Variants in SPATA6L observed in about 807,000 individuals in gnomAD.
The protein encoded by SPATA6L is spermatogenesis associated 6-like protein.
In SPATA6L, 68 loss-of-function variants were observed where a neutral mutation model predicts 49.2. The ratio of observed to expected loss-of-function variants is 1.38; its 90% CI spans 1.14 to 1.69. SPATA6L has a LOEUF of 1.69. Among genes scored for constraint, SPATA6L ranks in the 40% most tolerant of loss-of-function variants. SPATA6L has a pLI of 0.00. For synonymous variants in SPATA6L, 198 were observed against 165.7 expected (o/e 1.19, Z -1.50); for missense variants, 668 against 464.3 (o/e 1.44, Z -4.03).
At chr9:4,616,684 C>T (rs1393475648) in intron 9 of SPATA6L, among the ~76,000 whole-genome samples, 1 of 152,224 alleles carries the variant, frequency 6.6e-6, no homozygotes, top group African/African-American at 2.4e-5. Flanking sequence ...CTCCCGGGTT[C>T]AAGCAATTCT....
At chr9:4,641,061 G>C (rs1833925281) in intron 3 of SPATA6L, among the ~76,000 whole-genome samples, 1 of 152,012 alleles carries the variant, frequency 6.6e-6, no homozygotes, top group African/African-American at 2.4e-5. Flanking sequence ...CATATATATA[G>C]GTGTGTGTGT....
chr9:4,607,092 G>C lies in SPATA6L; in HGVS notation c.996-1652C>G, dbSNP rs1406212145. On this transcript the variant is annotated intron_variant, in intron 9 of 11. Transcript: ENST00000682582. ...AATGAAGCGAGAAGGGAAGTTTAGA[G>C]AAAAAAGAATAAAAATAAATGAGCA... 2.6e-5 allele frequency among the ~76,000 whole-genome samples: 4 copies of C among 151,706 alleles called. No homozygotes were observed. In the East Asian group the frequency reaches 7.7e-4, roughly 29 times the overall value.
At chr9:4,592,758 G>C (rs1050591629) in intron 13 of SPATA6L, among the ~76,000 whole-genome samples, 1 of 152,142 alleles carries the variant, frequency 6.6e-6, no homozygotes, top group Non-Finnish European at 1.5e-5. Flanking sequence ...TAGCTCTTAC[G>C]TTGTGTTCTT....
chr9:4,661,988 C>A lies in SPATA6L; in HGVS notation c.88G>T (p.Gly30Trp), dbSNP rs750531628. 3 of 1,613,966 alleles carry A rather than the reference C, an allele frequency of 1.9e-6. No homozygotes were observed. The highest frequency in any genetic ancestry group is 8.5e-7 in the Non-Finnish European group (1 of 1,179,962). Residue 30 changes from glycine to tryptophan, a missense_variant, in exon 2 of 12, where the codon GGG becomes TGG. By Grantham distance (184) the Gly-to-Trp change is radical. Coordinates refer to ENST00000682582, the MANE Select transcript of SPATA6L (RefSeq NM_001353486.2). The stretch of plus-strand genomic sequence containing the variant: ...AGGTACTGATTCATGAGGTAGACCC[C>A]GAGGTACACATCTTGTTTGCCAGGC... ...FLPGKQDVYL[G>W]VYLMNQYLET... is the part of the protein sequence containing the mutation.
intron 11 of SPATA6L, among the ~76,000 whole-genome samples, chr9:4,603,358 G>T (rs756285835): frequency 6.6e-5 from 10 of 152,068 alleles, no homozygotes; most frequent in South Asian, 2.1e-4. Context: ...TGAACCTGGG[G>T]GGTGGAGGTT....
chr9:4,661,748 T>TTCCGACTGCGGTTTTGCTTCAAG, intron 2 of SPATA6L, 151 bp downstream of exon 2: 5 of 283,528 alleles, frequency 1.8e-5, no homozygotes, highest in Non-Finnish European at 2.8e-5. Flanking sequence ...AAAGCAAGTG[T>TTCCGACTGCGGTTTTGCTTCAAG]TCCGACTGCG....
downstream of SPATA6L, among the ~76,000 whole-genome samples, chr9:4,598,249 G>A (rs1428782479): frequency 6.6e-6 from 1 of 152,096 alleles, no homozygotes; most frequent in Non-Finnish European, 1.5e-5. Context: ...TATGCTCCAG[G>A]CTTTGACAGA....
Position 4,662,837 on chromosome 9 carries a change from G to A in SPATA6L, c.40-801C>T, listed in dbSNP as rs905670046. ...GGCTGCTGGGCACCCTCTACTGCCT[G>A]TGCAGGAGCGACAGCTGGGCCGGGC... On this transcript the variant is annotated intron_variant, in intron 1 of 11. Coordinates refer to ENST00000682582, the MANE Select transcript of SPATA6L (RefSeq NM_001353486.2). The surrounding 1 kb of genome is among the most constrained non-coding windows in gnomAD (Gnocchi z 4.9). The A allele has an allele frequency of 6.2e-6, 10 of 1,605,250 alleles. No individual in the cohort carries two copies. The highest frequency in any genetic ancestry group is 8.5e-6 in the Non-Finnish European group (10 of 1,179,954).
downstream of SPATA6L, among the ~76,000 whole-genome samples, chr9:4,597,957 G>T (rs565188349): frequency 1.6e-4 from 25 of 152,236 alleles, no homozygotes; most frequent in African/African-American, 6.0e-4. Context: ...CTGGCATTTG[G>T]GTGCTAGGGC....
At chr9:4,624,929 T>C (rs1247448899) in intron 6 of SPATA6L, among the ~76,000 whole-genome samples, 1 of 152,208 alleles carries the variant, frequency 6.6e-6, no homozygotes, top group Non-Finnish European at 1.5e-5. Context: ...ATAAAACTCA[T>C]GTAGTTTTCT....
rs1487446328 is a variant in SPATA6L, at chr9:4,604,240, G to C, written c.1119C>G (p.Ile373Met). The change falls in exon 11 of 12, where the codon ATC becomes ATG. Residue 373 changes from isoleucine (I) to methionine (M), a missense_variant. Transcript: ENST00000682582. The part of the protein sequence containing the change: ...KEDSTSEVNY[I>M]IERPSYPLKK... ...TCAGAGGGTAGCTTGGTCTTTCAAT[G>C]ATATAATTTACTTCAGAGGTAGAAT... 3 of 1,610,914 alleles carry C rather than the reference G, an allele frequency of 1.9e-6. No homozygotes were observed. The highest frequency in any genetic ancestry group is 2.5e-6 in the Non-Finnish European group (3 of 1,177,894).
chr9:4,656,442 AAGGAAGGAAGGAAGGAAGG>A (rs1464078661), intron 2 of SPATA6L, among the ~76,000 whole-genome samples: 8 of 45,080 alleles, frequency 1.8e-4, no homozygotes, highest in African/African-American at 6.9e-4. Flanking sequence ...CTGTGAAAGA[AAGGAAGGAAGGAAGGAAGG>A]AAGGAAGGAA....
At chr9:4,659,479 G>A (rs1839100530) in intron 2 of SPATA6L, among the ~76,000 whole-genome samples, 1 of 151,386 alleles carries the variant, frequency 6.6e-6, no homozygotes, top group Non-Finnish European at 1.5e-5. Flanking sequence ...GGGATGTGAA[G>A]GACCTCTTCA....
chr9:4,618,788 T>C, intron 8 of SPATA6L, 76 bp downstream of exon 8: 8 of 1,369,550 alleles, frequency 5.8e-6, no homozygotes, highest in South Asian at 1.2e-5. Context: ...TATCCACCAC[T>C]GATTGGAAAA....
chr9:4,636,449 G>A (rs745541014), intron 3 of SPATA6L, among the ~76,000 whole-genome samples: 1 of 152,162 alleles, frequency 6.6e-6, no homozygotes, highest in Non-Finnish European at 1.5e-5. Flanking sequence ...TGGGTCTAAT[G>A]GGATGAACAA....
chr9:4,625,141 C>T, intron 6 of SPATA6L, 186 bp downstream of exon 6: 2 of 1,126,202 alleles, frequency 1.8e-6, no homozygotes, highest in Non-Finnish European at 2.4e-6. Flanking sequence ...GTATAAGGTA[C>T]CTTTCTAGGG....
downstream of SPATA6L, among the ~76,000 whole-genome samples, chr9:4,594,922 CA>C (rs1831727636): frequency 6.6e-6 from 1 of 152,160 alleles, no homozygotes; most frequent in Non-Finnish European, 1.5e-5. Flanking sequence ...TTCTTCTCAA[CA>C]CCCACCTTGA....
Position 4,618,071 on chromosome 9 carries a change from C to A in SPATA6L, c.847G>T (p.Asp283Tyr). Reference protein sequence around the residue: ...EPDERIVLRSDSSSCLDSSQF... With the variant: ...EPDERIVLRSYSSSCLDSSQF... ...CTTGAATCTAAACATGATGATGAGT[C>A]ACTCCTTAAAACAATCCGTTCATCT... The change falls in exon 9 of 12, where the codon GAC (aspartate) becomes TAC (tyrosine). Residue 283 changes from aspartate (D) to tyrosine (Y), a missense_variant. Coordinates refer to ENST00000682582, the MANE Select transcript of SPATA6L (RefSeq NM_001353486.2). 1 of 1,613,736 alleles carries A rather than the reference C, an allele frequency of 6.2e-7. No homozygotes were observed. Among genetic ancestry groups the A allele is most frequent in the Non-Finnish European group, 8.5e-7 (1 of 1,179,844 alleles).
chr9:4,631,808 G>T lies in SPATA6L; in HGVS notation c.352-2640C>A, dbSNP rs117122275. On this transcript the variant is annotated intron_variant, in intron 4 of 11. Transcript: ENST00000682582. ...GCATCATTCAGTGAGTAAGAGTGCA[G>T]GCTCTGAAGCCAGTCAGGCCAGCAC... Among the ~76,000 whole-genome samples the T allele has an allele frequency of 7.8e-3, 1,190 of 152,236 alleles. 10 individuals are homozygous for T. Among genetic ancestry groups the T allele is most frequent in the East Asian group, 0.033 (169 of 5,178 alleles).
Sources: gnomAD v4.1 joint callset for allele counts (sites outside exome capture counted in the v4.1 genomes callset) on GRCh38, gnomAD v4.1.1 for gene constraint, Gnocchi (gnomAD v3.1) non-coding constraint, MANE v1.5 for transcripts, NCBI Gene and HGNC (gene_info 2026-07-23, HGNC 2026-07-21) for gene names.